VWA8: variants seen among roughly 807,000 people sequenced by gnomAD.
VWA8 encodes von Willebrand factor A domain containing 8, also known as von Willebrand factor A domain-containing protein 8.
In VWA8, 221 loss-of-function variants were observed where a neutral mutation model predicts 241.5. The ratio of observed to expected loss-of-function variants is 0.91; its 90% CI spans 0.82 to 1.02. VWA8 has a LOEUF of 1.02. Among genes scored for constraint, VWA8 ranks in the 50% least tolerant of loss-of-function variants. The pLI is 0.00. For synonymous variants in VWA8, 852 were observed against 827.1 expected (o/e 1.03, Z -0.52); for missense variants, 2,322 against 2,328.7 (o/e 1.00, Z 0.06).
At chr13:41,865,016 T>C (rs1251483082) in intron 12 of VWA8, among the ~76,000 whole-genome samples, 2 of 146,230 alleles carry the variant, frequency 1.4e-5, no homozygotes, top group African/African-American at 5.1e-5. Flanking sequence ...AAAAGGCTAA[T>C]GTGGTAAACT....
intron 42 of VWA8, among the ~76,000 whole-genome samples, chr13:41,586,169 A>G (rs533737941): frequency 6.6e-6 from 1 of 152,260 alleles, no homozygotes; most frequent in Admixed American, 6.5e-5. Context: ...GCATAAAAAA[A>G]AAAAAATCAA....
At chr13:41,932,479 C>A (rs1010279381) in intron 2 of VWA8, among the ~76,000 whole-genome samples, 1 of 151,946 alleles carries the variant, frequency 6.6e-6, no homozygotes, top group Non-Finnish European at 1.5e-5. Flanking sequence ...ACCCTCATAT[C>A]GAAATCTGAC....
intron 14 of VWA8, among the ~76,000 whole-genome samples, chr13:41,826,617 G>A (rs1184953095): frequency 1.3e-5 from 2 of 152,018 alleles, no homozygotes; most frequent in Non-Finnish European, 2.9e-5. Context: ...CACCTATATT[G>A]CCAGCACTTT....
At chr13:41,926,478 C>T (rs1487172761) in intron 2 of VWA8, 19 of 524,604 alleles carry the variant, frequency 3.6e-5, no homozygotes, top group East Asian at 3.5e-4. Flanking sequence ...AGAATTGCTC[C>T]GGAACTCTAT....
At chr13:41,753,063 G>T (rs967380279) in intron 21 of VWA8, among the ~76,000 whole-genome samples, 2 of 152,100 alleles carry the variant, frequency 1.3e-5, no homozygotes, top group Non-Finnish European at 2.9e-5. Flanking sequence ...CATTTTAGAT[G>T]GAGGAATAAA....
chr13:41,671,891 T>C (rs1454146262), intron 36 of VWA8, among the ~76,000 whole-genome samples: 1 of 152,204 alleles, frequency 6.6e-6, no homozygotes, highest in African/African-American at 2.4e-5. Flanking sequence ...CTCTATAGTA[T>C]TCTGCTGTAA....
At chr13:41,948,980 G>A (rs535506408) in intron 2 of VWA8, among the ~76,000 whole-genome samples, 1 of 136,228 alleles carries the variant, frequency 7.3e-6, no homozygotes, top group Non-Finnish European at 1.5e-5. Flanking sequence ...ACCATACCAT[G>A]TGACTCTATT....
chr13:41,664,389 ATG>A (rs3073033), intron 37 of VWA8, among the ~76,000 whole-genome samples: 7,203 of 137,726 alleles, frequency 0.052, 188 homozygotes, highest in Middle Eastern at 0.12. Context: ...ACATGCTTTG[ATG>A]TGTGTGTGTG....
intron 35 of VWA8, among the ~76,000 whole-genome samples, chr13:41,677,376 T>C (rs1355328702): frequency 6.6e-6 from 1 of 152,214 alleles, no homozygotes; most frequent in Non-Finnish European, 1.5e-5. Flanking sequence ...CACCATGGTG[T>C]GTCAGAAACA....
intron 14 of VWA8, among the ~76,000 whole-genome samples, chr13:41,829,796 TG>T (rs1208327297): frequency 6.6e-6 from 1 of 151,786 alleles, no homozygotes; most frequent in South Asian, 2.1e-4. Flanking sequence ...GGGAAGCTTG[TG>T]GGGGGCGGTG....
intron 2 of VWA8, among the ~76,000 whole-genome samples, chr13:41,913,901 G>T (rs1385596986): frequency 6.6e-6 from 1 of 152,200 alleles, no homozygotes; most frequent in African/African-American, 2.4e-5. Flanking sequence ...GATAAAAGTT[G>T]GTTCCTGGAA....
intron 4 of VWA8, among the ~76,000 whole-genome samples, chr13:41,901,990 C>T (rs550444989): frequency 6.1e-4 from 87 of 143,230 alleles, no homozygotes; most frequent in African/African-American, 2.1e-3. Context: ...AACATAACAA[C>T]GAGCAAACAC....
intron 37 of VWA8, among the ~76,000 whole-genome samples, chr13:41,635,465 G>C (rs989643897): frequency 5.3e-5 from 8 of 152,278 alleles, no homozygotes; most frequent in Middle Eastern, 3.4e-3. Flanking sequence ...ATGTCCATAC[G>C]TAATTAAGAT....
chr13:41,782,969 A>G (rs1206343079), intron 19 of VWA8, among the ~76,000 whole-genome samples: 1 of 151,296 alleles, frequency 6.6e-6, no homozygotes, highest in Admixed American at 6.6e-5. Context: ...CCTCCTTTAA[A>G]AAAGAAAGGA....
At chr13:41,584,879 C>A (rs1357420411) in intron 42 of VWA8, among the ~76,000 whole-genome samples, 1 of 152,146 alleles carries the variant, frequency 6.6e-6, no homozygotes, top group Non-Finnish European at 1.5e-5. Context: ...CCCACAGAGG[C>A]ACGTGTGAAG....
At chr13:41,787,899 C>G (rs1180700738) in intron 17 of VWA8, among the ~76,000 whole-genome samples, 2 of 152,120 alleles carry the variant, frequency 1.3e-5, no homozygotes, top group African/African-American at 4.8e-5. Flanking sequence ...AACAACAACA[C>G]TTGGCTGTTC....
Position 41,670,936 on chromosome 13 carries a change from C to T in VWA8, c.4611+10G>A. The T allele has an allele frequency of 6.2e-7, 1 of 1,613,040 alleles. No homozygotes were observed. On this transcript the variant is annotated intron_variant, in intron 37 of 44. Transcript: ENST00000379310. ...GCACCTCTAAGAGATAAGGTGAATT[C>T]AAATGGTACCTGCATATTTCTGTCA...
chr13:41,926,374 T>G (rs1876835626), intron 2 of VWA8: 1 of 557,308 alleles, frequency 1.8e-6, no homozygotes, highest in African/African-American at 1.9e-5. Context: ...TTGGATGAAC[T>G]GGGATTCCTA....
At chr13:41,924,938 T>TGAGCCGAGATCCCGCCACTGC (rs1876759750) in intron 2 of VWA8, among the ~76,000 whole-genome samples, 1 of 150,364 alleles carries the variant, frequency 6.7e-6, no homozygotes, top group African/African-American at 2.5e-5. Context: ...CAAACAGATT[T>TGAGCCGAGATCCCGCCACTGC]AATCCAATAA....
Sources: allele counts gnomAD v4.1 joint callset (sites outside exome capture counted in the v4.1 genomes callset), GRCh38; gene constraint gnomAD v4.1.1; transcripts MANE v1.5; gene names NCBI Gene and HGNC (gene_info 2026-07-23, HGNC 2026-07-21).